Variants in GLE1 observed in about 807,000 individuals in gnomAD.
GLE1 encodes the protein mRNA export factor GLE1.
GLE1 carries 78 observed loss-of-function variants against 97.3 expected under a neutral mutation model. That is an observed-to-expected ratio of 0.80 (90% CI 0.67 to 0.97). GLE1 has a LOEUF of 0.97. Ranked by LOEUF, GLE1 falls within the 50% of genes least tolerant of loss-of-function variation. GLE1 has a pLI of 0.00. For synonymous variants in GLE1, 302 were observed against 313.4 expected (o/e 0.96, Z 0.39); for missense variants, 753 against 857.5 (o/e 0.88, Z 1.52).
At chr9:128,527,704 G>A (rs1333789365) in intron 9 of GLE1, among the ~76,000 whole-genome samples, 179 bp downstream of exon 9, 2 of 152,080 alleles carry the variant, frequency 1.3e-5, no homozygotes, top group African/African-American at 2.4e-5. Context: ...CTGGGCTCAC[G>A]CCTGTAATCC....
At chr9:128,522,976 G>A (rs889074304) in intron 4 of GLE1, among the ~76,000 whole-genome samples, 160 bp downstream of exon 4, 14 of 152,122 alleles carry the variant, frequency 9.2e-5, no homozygotes, top group African/African-American at 2.9e-4. Flanking sequence ...GACCAAACTT[G>A]GAGAGACAAC....
intron 3 of GLE1, among the ~76,000 whole-genome samples, chr9:128,522,283 T>A (rs1479675796): frequency 6.6e-6 from 1 of 152,180 alleles, no homozygotes; most frequent in Non-Finnish European, 1.5e-5. Context: ...TAAGTATCTC[T>A]GATGGTGTTA....
chr9:128,531,831 C>CAAAAAA (rs1206684667), intron 9 of GLE1, among the ~76,000 whole-genome samples: 1 of 51,854 alleles, frequency 1.9e-5, no homozygotes, highest in Non-Finnish European at 4.1e-5. Context: ...GACTCCAGCT[C>CAAAAAA]AAAAAAAAAA....
chr9:128,523,426 T>G (rs1847209342), intron 5 of GLE1, 86 bp downstream of exon 5: 1 of 1,387,392 alleles, frequency 7.2e-7, no homozygotes, highest in Non-Finnish European at 1.0e-6. Context: ...ATGGCCACCA[T>G]GGAGGATCTG....
At chr9:128,515,704 G>A (rs1027054685) in intron 3 of GLE1, 65 bp downstream of exon 3, 18 of 838,826 alleles carry the variant, frequency 2.1e-5, no homozygotes, top group African/African-American at 6.7e-5. Flanking sequence ...CAGTTCCCCA[G>A]GGCGTAGGAA....
chr9:128,537,951 T>G, intron 12 of GLE1, 35 bp from the exon 13 acceptor site: 58 of 1,204,494 alleles, frequency 4.8e-5, no homozygotes, highest in Non-Finnish European at 7.0e-5. Flanking sequence ...CTAAACAAAA[T>G]GAGATCAATG....
chr9:128,519,409 GC>G (rs1554722691), intron 3 of GLE1, among the ~76,000 whole-genome samples: 2 of 152,154 alleles, frequency 1.3e-5, no homozygotes, highest in Non-Finnish European at 2.9e-5. Flanking sequence ...AGGAGAATAC[GC>G]GCCTGGGGGT....
intron 2 of GLE1, among the ~76,000 whole-genome samples, chr9:128,514,379 G>GA (rs1846916705): frequency 6.8e-6 from 1 of 146,690 alleles, no homozygotes; most frequent in Non-Finnish European, 1.5e-5. Context: ...GTTCAAAGAT[G>GA]AACTCTGGCC....
intron 6 of GLE1, among the ~76,000 whole-genome samples, chr9:128,524,800 G>A (rs1847255822): frequency 6.6e-6 from 1 of 151,804 alleles, no homozygotes; most frequent in African/African-American, 2.4e-5. Context: ...GCTGAGGCAC[G>A]AGCAGCACTT....
chr9:128,540,265 C>T lies in GLE1; in HGVS notation c.1965-10C>T. The T allele has an allele frequency of 6.3e-7, 1 of 1,577,886 alleles. No individual in the cohort carries two copies. The highest frequency in any genetic ancestry group is 2.2e-5 in the East Asian group (1 of 44,688). On this transcript the variant is annotated splice_polypyrimidine_tract_variant and intron_variant, in intron 14 of 15. Coordinates refer to ENST00000309971, the MANE Select transcript of GLE1 (RefSeq NM_001003722.2). ...ATAGGTGTGATTCATGTGTCTTTCT[C>T]TCCCTGTAGAATTGAAGCTATCACA... is the stretch of plus-strand genomic sequence containing the variant.
chr9:128,507,781 G>A lies in GLE1; in HGVS notation c.100-1095G>A, dbSNP rs769274986. ...TCGACACCTGTAATCCCAGCTGCTC[G>A]GGAGGCTGAAGCAGGAGAATTGCTT... On this transcript the variant is annotated intron_variant, in intron 1 of 15. Coordinates refer to ENST00000309971, the MANE Select transcript of GLE1 (RefSeq NM_001003722.2). Among the ~76,000 whole-genome samples the A allele has an allele frequency of 8.9e-4, 135 of 151,552 alleles. 1 individual carries two copies. Among genetic ancestry groups the A allele is most frequent in the Non-Finnish European group, 1.5e-3 (104 of 67,884 alleles).
chr9:128,507,620 G>T (rs1223663476), intron 1 of GLE1, among the ~76,000 whole-genome samples: 1 of 151,448 alleles, frequency 6.6e-6, no homozygotes, highest in Admixed American at 6.6e-5. Context: ...GGGCGTGGTG[G>T]CTCACGCCTG....
intron 2 of GLE1, among the ~76,000 whole-genome samples, chr9:128,514,281 A>G (rs1190780220): frequency 6.7e-6 from 1 of 148,762 alleles, no homozygotes; most frequent in East Asian, 2.0e-4. Context: ...CCAGGCTGTA[A>G]TGATCCGTGA....
At position 128,533,597 on chromosome 9, in the gene GLE1, TC is replaced by T. The variant is rs1455298683; in HGVS notation, c.1398del (p.Thr467HisfsTer19). 2 of 1,614,032 alleles carry T rather than the reference TC, an allele frequency of 1.2e-6. No individual in the cohort carries two copies. Among genetic ancestry groups the T allele is most frequent in the Non-Finnish European group, 1.7e-6 (2 of 1,179,882 alleles). ...PVQSGGRSVS[V>X]TLNPQGLDFV... ...CAATCTGGTGGGCGCTCTGTGTCTG[TC>T]ACACTTAACCCACAGGGGCTGGACT... On this transcript the variant is annotated frameshift_variant, in exon 10 of 16. Transcript: ENST00000309971. LOFTEE classifies it high-confidence loss of function.
chr9:128,527,412 T>G, intron 8 of GLE1, 44 bp from the exon 9 acceptor site: 2 of 1,419,656 alleles, frequency 1.4e-6, no homozygotes, highest in South Asian at 2.3e-5. Context: ...TGACATCTAC[T>G]CAGCTCTTCA....
rs1847851973 is a variant in GLE1 at position 128,540,395 on chromosome 9, T to C, written c.2028+57T>C. 4 of 1,087,912 alleles carry C rather than the reference T, an allele frequency of 3.7e-6. No homozygotes were observed. In the South Asian group the frequency reaches 3.7e-5, roughly 10 times the overall value. The allele number at this position is 1,087,912 out of a possible 1,614,324, so 67.4% of individuals were successfully genotyped here. A position where few individuals can be genotyped will look rare whatever the true frequency, so the allele number is the denominator to read the frequency against. ...CTGTTGTTGGGCTGGAATGCACCTA[T>C]GTCTGACAAGTCTTGGACCTTCCGA... On this transcript the variant is annotated intron_variant, in intron 15 of 15. Transcript: ENST00000309971.
At chr9:128,512,699 C>T (rs956451050) in intron 2 of GLE1, among the ~76,000 whole-genome samples, 1 of 151,348 alleles carries the variant, frequency 6.6e-6, no homozygotes, top group Admixed American at 6.6e-5. Flanking sequence ...TGGAGTTTCG[C>T]TTTTGTCGCC....
At chr9:128,527,319 T>C (rs1394833326) in intron 8 of GLE1, 28 bp downstream of exon 8, 12 of 1,402,302 alleles carry the variant, frequency 8.6e-6, no homozygotes, top group Non-Finnish European at 1.2e-5. Flanking sequence ...GGCAGTAATT[T>C]TGTGGACTTG....
At chr9:128,527,095 A>G in intron 7 of GLE1, 84 bp from the exon 8 acceptor site, 2 of 766,202 alleles carry the variant, frequency 2.6e-6, no homozygotes, top group Non-Finnish European at 4.7e-6. Context: ...CAGTACATAC[A>G]TAAAGTGATT....
Sources: gnomAD v4.1 joint callset for allele counts (sites outside exome capture counted in the v4.1 genomes callset) on GRCh38, gnomAD v4.1.1 for gene constraint, MANE v1.5 for transcripts, NCBI Gene and HGNC (gene_info 2026-07-23, HGNC 2026-07-21) for gene names.